Variants in SETD2 observed in about 807,000 individuals in gnomAD.
The protein encoded by SETD2 is SET domain containing 2, histone lysine methyltransferase.
SETD2 carries 31 observed loss-of-function variants against 242.1 expected under a neutral mutation model. That is an observed-to-expected ratio of 0.13 (90% CI 0.10 to 0.17). The LOEUF is 0.17. SETD2 is among the 10% of genes least tolerant of loss of function. The probability of loss-of-function intolerance (pLI) is 1.00; values close to 1 mark genes in which losing one functional copy is unlikely to be tolerated. For synonymous variants in SETD2, 1,006 were observed against 1,066.5 expected (o/e 0.94, Z 1.11); for missense variants, 2,481 against 3,046.3 (o/e 0.81, Z 4.37).
chr3:47,040,047 G>A (rs994288214), intron 17 of SETD2, among the ~76,000 whole-genome samples: 1 of 151,492 alleles, frequency 6.6e-6, no homozygotes, highest in African/African-American at 2.4e-5. Flanking sequence ...CGCGATCTCA[G>A]CTAACTGCAA....
In SETD2 at chr3:47,101,597, AGTGTGTGTGT is replaced by A. The variant is rs61571386; in HGVS notation, c.4918-52_4918-43del. ...AAACAAAAGAAATTAGTAACTTATT[AGTGTGTGTGT>A]GTGTGTGTGTGTGTGTGTGTGTGTG... On this transcript the variant is annotated intron_variant, in intron 7 of 20. Transcript: ENST00000409792. 115 of 734,080 alleles carry A rather than the reference AGTGTGTGTGT, an allele frequency of 1.6e-4. 1 individual carries two copies. The highest frequency in any genetic ancestry group is 7.9e-4 in the South Asian group (44 of 55,536). 45.5% of individuals were successfully genotyped at this position (734,080 alleles called of 1,614,324 possible).
chr3:47,041,286 T>C, intron 17 of SETD2: 1 of 353,216 alleles, frequency 2.8e-6, no homozygotes, highest in Non-Finnish European at 5.7e-6. Context: ...TAAAACTTTA[T>C]TTGCCAAAAC....
chr3:47,140,903 G>GA (rs1046148819), intron 1 of SETD2, among the ~76,000 whole-genome samples: 31 of 151,942 alleles, frequency 2.0e-4, no homozygotes, highest in African/African-American at 7.3e-4. Flanking sequence ...TCTAAGTATC[G>GA]AATACGAAGA....
At chr3:47,084,409 T>A (rs757340294) in intron 11 of SETD2, 27 bp from the exon 12 acceptor site, 78 of 1,359,910 alleles carry the variant, frequency 5.7e-5, no homozygotes, top group Non-Finnish European at 7.4e-5. Flanking sequence ...AAAAATTACA[T>A]CACTTTGTAC....
intron 1 of SETD2, among the ~76,000 whole-genome samples, chr3:47,136,481 T>C (rs2043592061): frequency 6.6e-6 from 1 of 152,226 alleles, no homozygotes; most frequent in Non-Finnish European, 1.5e-5. Flanking sequence ...ATCATGTTGT[T>C]TGCAGCAACA....
chr3:47,084,836 T>C (rs577652946), intron 11 of SETD2, among the ~76,000 whole-genome samples: 1 of 152,088 alleles, frequency 6.6e-6, no homozygotes, highest in South Asian at 2.1e-4. Flanking sequence ...GTTTAAGCGA[T>C]TCTCCTGCCT....
intron 8 of SETD2, among the ~76,000 whole-genome samples, chr3:47,099,016 C>G (rs546020879): frequency 1.3e-5 from 2 of 152,178 alleles, no homozygotes; most frequent in African/African-American, 4.8e-5. Context: ...CATTCATGCC[C>G]TGAATATCTG....
At chr3:47,109,478 T>A in intron 5 of SETD2, among the ~76,000 whole-genome samples, 1 of 152,060 alleles carries the variant, frequency 6.6e-6, no homozygotes, top group Non-Finnish European at 1.5e-5. Context: ...AAACCCTGTC[T>A]CTACTAAAAA....
chr3:47,144,632 A>G (rs368249545), intron 1 of SETD2, among the ~76,000 whole-genome samples: 2 of 151,844 alleles, frequency 1.3e-5, no homozygotes, highest in East Asian at 3.9e-4. Context: ...ACAGAGCGAG[A>G]CTCCGTCTCA....
chr3:47,034,562 C>T (rs1245150885), intron 18 of SETD2, among the ~76,000 whole-genome samples: 2 of 152,166 alleles, frequency 1.3e-5, no homozygotes, highest in Non-Finnish European at 2.9e-5. Flanking sequence ...ACTCAGGAGG[C>T]TGAGACGAAA....
chr3:47,081,650 G>A (rs2107633498), intron 12 of SETD2, among the ~76,000 whole-genome samples: 1 of 152,216 alleles, frequency 6.6e-6, no homozygotes, highest in East Asian at 1.9e-4. Context: ...TGCTATCTAT[G>A]TTTGTCTGGT....
At chr3:47,028,232 G>A (rs985064250) in intron 18 of SETD2, among the ~76,000 whole-genome samples, 2 of 152,146 alleles carry the variant, frequency 1.3e-5, no homozygotes, top group Non-Finnish European at 2.9e-5. Context: ...GATTACCTTG[G>A]CTTTTCTGCG....
chr3:47,050,172 A>C (rs2039761747), intron 15 of SETD2, among the ~76,000 whole-genome samples: 1 of 151,808 alleles, frequency 6.6e-6, no homozygotes, highest in Non-Finnish European at 1.5e-5. Context: ...AGAAAAGACA[A>C]ATATTTATGG....
chr3:47,128,943 G>A (rs971412624), intron 1 of SETD2, among the ~76,000 whole-genome samples: 1 of 152,142 alleles, frequency 6.6e-6, no homozygotes, highest in Non-Finnish European at 1.5e-5. Flanking sequence ...TATCTGCATA[G>A]TACGCACACA....
At chr3:47,037,178 G>A (rs1297273085) in intron 18 of SETD2, among the ~76,000 whole-genome samples, 2 of 147,412 alleles carry the variant, frequency 1.4e-5, no homozygotes, top group Non-Finnish European at 3.0e-5. Context: ...TGTGCACAAC[G>A]TGCAGGTTTG....
chr3:47,100,239 C>T (rs2042157273), intron 8 of SETD2, among the ~76,000 whole-genome samples: 1 of 151,622 alleles, frequency 6.6e-6, no homozygotes. Context: ...CGCACCCAGC[C>T]TCCCAGGCGT....
At chr3:47,129,325 T>C (rs931497191) in intron 1 of SETD2, among the ~76,000 whole-genome samples, 2 of 152,162 alleles carry the variant, frequency 1.3e-5, no homozygotes, top group African/African-American at 4.8e-5. Context: ...AAAATCAAAT[T>C]ACAAACAAGC....
chr3:47,111,201 C>G (rs1321125287), intron 5 of SETD2, among the ~76,000 whole-genome samples: 1 of 148,106 alleles, frequency 6.8e-6, no homozygotes, highest in Admixed American at 6.8e-5. Flanking sequence ...TTTGGAAATT[C>G]AATGGGCTGC....
chr3:47,106,383 A>G (rs764293701), intron 5 of SETD2, among the ~76,000 whole-genome samples: 3 of 151,342 alleles, frequency 2.0e-5, no homozygotes, highest in Non-Finnish European at 4.4e-5. Context: ...TCCTTTAACT[A>G]GATACTAAAT....
Sources: allele counts gnomAD v4.1 joint callset (sites outside exome capture counted in the v4.1 genomes callset), GRCh38; gene constraint gnomAD v4.1.1; transcripts MANE v1.5; gene names NCBI Gene and HGNC (gene_info 2026-07-23, HGNC 2026-07-21).